The following USP43 variants were observed in gnomAD, a reference collection of about 807,000 sequenced individuals.
USP43 encodes ubiquitin carboxyl-terminal hydrolase 43.
In USP43, 33 loss-of-function variants were observed where a neutral mutation model predicts 90.7. The observed-to-expected ratio is 0.36, with a 90% CI of 0.28 to 0.49. The LOEUF is 0.49. Ranked by LOEUF, USP43 falls within the 20% of genes least tolerant of loss-of-function variation. The probability of loss-of-function intolerance (pLI) is 0.98; values close to 1 mark genes in which losing one functional copy is unlikely to be tolerated. For missense variants in USP43, 1,274 were observed against 1,476.4 expected (o/e 0.86, Z 2.25); for synonymous variants, 598 against 615.8 (o/e 0.97, Z 0.43).
intron 8 of USP43, among the ~76,000 whole-genome samples, chr17:9,688,258 A>G (rs1028770315): frequency 1.3e-5 from 2 of 149,864 alleles, no homozygotes; most frequent in African/African-American, 4.9e-5. Flanking sequence ...GAGTGCTGGG[A>G]TTACAGGTGT....
rs772909872 is a variant in USP43 at position 9,680,287 on chromosome 17, G to A, written c.1026G>A (p.Glu342=). 1.9e-6 allele frequency: 3 copies of A among 1,613,884 alleles called. No individual in the cohort carries two copies. ...SGFQRSFFDE[E]DLNTIAEGDN... ...TCCAGCGGTCTTTCTTTGATGAAGAGGACCTGAATACCATCGCAGAGGGAG... is the reference window on the plus strand; with the variant it reads ...TCCAGCGGTCTTTCTTTGATGAAGAAGACCTGAATACCATCGCAGAGGGAG... The change falls in exon 6 of 15, where the codon GAG becomes GAA. Residue 342 remains glutamate (E), a synonymous_variant. Coordinates refer to ENST00000285199, the MANE Select transcript of USP43 (RefSeq NM_153210.5).
intron 2 of USP43, among the ~76,000 whole-genome samples, chr17:9,663,038 G>A (rs755591669): frequency 8.6e-5 from 13 of 151,708 alleles, no homozygotes; most frequent in Non-Finnish European, 1.8e-4. Flanking sequence ...GGCTGGTCTC[G>A]AACTCCTGAC....
At chr17:9,673,503 C>T (rs533831981) in intron 3 of USP43, among the ~76,000 whole-genome samples, 26 of 151,958 alleles carry the variant, frequency 1.7e-4, no homozygotes, top group Admixed American at 8.5e-4. Flanking sequence ...TGCGAGACTC[C>T]GTCTCCAAAA....
chr17:9,683,953 C>T (rs760084961), intron 7 of USP43, among the ~76,000 whole-genome samples: 5 of 151,946 alleles, frequency 3.3e-5, no homozygotes, highest in Admixed American at 6.6e-5. Context: ...CTGGCTAACA[C>T]GGTGAAACCC....
At chr17:9,656,652 G>A in intron 2 of USP43, 118 bp downstream of exon 2, 2 of 1,289,102 alleles carry the variant, frequency 1.6e-6, no homozygotes, top group Non-Finnish European at 2.1e-6. Context: ...ATATAGTCTG[G>A]CTACTATATC....
intron 14 of USP43, among the ~76,000 whole-genome samples, chr17:9,712,759 G>A (rs1437801312): frequency 6.6e-6 from 1 of 151,230 alleles, no homozygotes; most frequent in Non-Finnish European, 1.5e-5. Flanking sequence ...TATTCTAAGT[G>A]TAGTGGATAG....
chr17:9,680,485 A>G (rs1391671778), intron 6 of USP43, 119 bp downstream of exon 6: 5 of 1,185,534 alleles, frequency 4.2e-6, no homozygotes, highest in Non-Finnish European at 5.9e-6. Flanking sequence ...AGTCAGACTT[A>G]TTATCCCTGG....
At chr17:9,685,996 A>G (rs367966718) in intron 7 of USP43, among the ~76,000 whole-genome samples, 19 of 152,256 alleles carry the variant, frequency 1.2e-4, no homozygotes, top group African/African-American at 4.6e-4. Context: ...TAGAACCACT[A>G]TTCTACTCTA....
intron 8 of USP43, among the ~76,000 whole-genome samples, chr17:9,689,285 T>C (rs531181527): frequency 6.6e-6 from 1 of 152,268 alleles, no homozygotes; most frequent in Non-Finnish European, 1.5e-5. Context: ...CATATTGTAT[T>C]GAAGGTTTGG....
intron 1 of USP43, among the ~76,000 whole-genome samples, chr17:9,653,598 A>AG (rs1275478158): frequency 1.3e-5 from 2 of 151,962 alleles, no homozygotes; most frequent in African/African-American, 4.8e-5. Context: ...AAAAAAAGAA[A>AG]AAAAAAAAAA....
chr17:9,652,234 A>AAAAAAAAAAAG (rs61023073), intron 1 of USP43, among the ~76,000 whole-genome samples: 1 of 149,682 alleles, frequency 6.7e-6, no homozygotes, highest in African/African-American at 2.5e-5. Flanking sequence ...AAAAAAGAAA[A>AAAAAAAAAAAG]GAAAAGAAAG....
rs918279891 is a variant in USP43, at chr17:9,650,976, C to T, written c.504+4840C>T. On this transcript the variant is annotated intron_variant, in intron 1 of 14. Coordinates refer to ENST00000285199, the MANE Select transcript of USP43 (RefSeq NM_153210.5). Reference sequence around the variant, plus strand: ...CCAGCGTGCAGTCTTTCATCCTTCACCCGTCTCCTACCCTTCCCCTCGAGT... The same window carrying T: ...CCAGCGTGCAGTCTTTCATCCTTCATCCGTCTCCTACCCTTCCCCTCGAGT... Among the ~76,000 whole-genome samples, 3 of 152,204 alleles carry T rather than the reference C, an allele frequency of 2.0e-5. No homozygotes were observed. The South Asian group carries it at 6.2e-4, about 32-fold the overall frequency.
chr17:9,706,522 G>A (rs890290935), intron 12 of USP43, among the ~76,000 whole-genome samples: 2 of 151,182 alleles, frequency 1.3e-5, no homozygotes, highest in African/African-American at 4.9e-5. Context: ...TTTCTTGAGA[G>A]AAAGAGATCC....
At chr17:9,706,789 G>A (rs1159232204) in intron 12 of USP43, among the ~76,000 whole-genome samples, 2 of 151,588 alleles carry the variant, frequency 1.3e-5, no homozygotes, top group African/African-American at 2.4e-5. Context: ...GACTACAGGC[G>A]GGTGCCACCA....
chr17:9,714,577 G>A (rs1015028992), intron 14 of USP43, among the ~76,000 whole-genome samples: 3 of 151,922 alleles, frequency 2.0e-5, no homozygotes, highest in South Asian at 2.1e-4. Context: ...CAGCTACTCA[G>A]GAGGCTGAGG....
At position 9,652,246 on chromosome 17, in the gene USP43, A is replaced by G. The variant is rs114114410; in HGVS notation, c.505-4157A>G. On this transcript the variant is annotated intron_variant, in intron 1 of 14. Coordinates refer to ENST00000285199, the MANE Select transcript of USP43 (RefSeq NM_153210.5). ...AAAAAAAAAGAAAAGAAAAGAAAGG[A>G]AAAAAAAGATGTGAGATAAGTAACC... Among the ~76,000 whole-genome samples the G allele has an allele frequency of 7.5e-3, 1,130 of 149,874 alleles. 11 individuals carry two copies. The highest frequency in any genetic ancestry group is 0.026 in the African/African-American group (1,060 of 40,362).
At chr17:9,670,039 CTTT>C (rs148536442) in intron 3 of USP43, among the ~76,000 whole-genome samples, 3 of 131,536 alleles carry the variant, frequency 2.3e-5, no homozygotes, top group Non-Finnish European at 4.8e-5. Context: ...GAGGTGACTG[CTTT>C]TTTTTTTTTT....
intron 8 of USP43, 22 bp from the exon 9 acceptor site, chr17:9,693,105 A>G: frequency 6.3e-7 from 1 of 1,596,616 alleles, no homozygotes; most frequent in South Asian, 1.1e-5. Context: ...GTAATGATCC[A>G]TGTCTGTTTT....
chr17:9,657,455 G>T (rs548715331), intron 2 of USP43, among the ~76,000 whole-genome samples: 1 of 151,006 alleles, frequency 6.6e-6, no homozygotes, highest in Non-Finnish European at 1.5e-5. Flanking sequence ...AGCTGAGAAC[G>T]CACCGTTGCA....
Sources: allele counts gnomAD v4.1 joint callset (sites outside exome capture counted in the v4.1 genomes callset), GRCh38; gene constraint gnomAD v4.1.1; transcripts MANE v1.5; gene names NCBI Gene and HGNC (gene_info 2026-07-23, HGNC 2026-07-21).